Variants in ENTPD4 observed in about 807,000 individuals in gnomAD.
The protein encoded by ENTPD4 is Golgi UDPase.
Under a neutral mutation model 79.1 loss-of-function variants are expected in ENTPD4, and 60 were observed. That is an observed-to-expected ratio of 0.76 (90% CI 0.62 to 0.94). The LOEUF (loss-of-function observed/expected upper bound fraction) is 0.94, where lower values mean the gene tolerates loss of function less well. Ranked by LOEUF, ENTPD4 falls within the 40% of genes least tolerant of loss-of-function variation. The pLI is 0.00. For missense variants in ENTPD4, 772 were observed against 775.1 expected, an observed-to-expected ratio of 1.00 and a Z score of 0.05; for synonymous variants, 276 against 292.0, an observed-to-expected ratio of 0.95 and a Z score of 0.56.
intron 4 of ENTPD4, among the ~76,000 whole-genome samples, chr8:23,446,801 A>G (rs1012381876): frequency 6.6e-6 from 1 of 152,210 alleles, no homozygotes; most frequent in African/African-American, 2.4e-5. Flanking sequence ...TAAACTGAAT[A>G]TTCTTTTAAA....
rs191036011 is a variant in ENTPD4, at chr8:23,455,040, T to C, written c.-98+2517A>G. 5.9e-5 allele frequency among the ~76,000 whole-genome samples: 9 copies of C among 152,346 alleles called. No homozygotes were observed. In the East Asian group the frequency reaches 1.2e-3, roughly 20 times the overall value. ...TATCACCAGAGAGATGCATTAATTCTCATGATTTCAGCTAGTGGGGCCCTA... is the reference window on the plus strand; with the variant it reads ...TATCACCAGAGAGATGCATTAATTCCCATGATTTCAGCTAGTGGGGCCCTA... On this transcript the variant is annotated intron_variant, in intron 1 of 12. Transcript: ENST00000358689.
chr8:23,445,378 A>G (rs562576061), intron 4 of ENTPD4, among the ~76,000 whole-genome samples: 1 of 152,036 alleles, frequency 6.6e-6, no homozygotes, highest in Non-Finnish European at 1.5e-5. Flanking sequence ...TTTGTGGCTC[A>G]ATGTCCTCCA....
intron 2 of ENTPD4, 81 bp downstream of exon 2, chr8:23,449,812 G>C: frequency 8.0e-7 from 1 of 1,248,352 alleles, no homozygotes. Context: ...TTTCACTTGC[G>C]ATTTAGATTT....
At chr8:23,453,444 CA>C (rs1376554522) in intron 1 of ENTPD4, among the ~76,000 whole-genome samples, 1 of 151,930 alleles carries the variant, frequency 6.6e-6, no homozygotes, top group African/African-American at 2.4e-5. Flanking sequence ...AAGTGCATGA[CA>C]AAGAGTAAAT....
intron 4 of ENTPD4, among the ~76,000 whole-genome samples, chr8:23,447,172 T>TA (rs1800776963): frequency 6.6e-6 from 1 of 152,244 alleles, no homozygotes; most frequent in Admixed American, 6.5e-5. Context: ...CACACTGGCT[T>TA]AGAAATTACA....
chr8:23,447,938 G>T, intron 3 of ENTPD4, 53 bp from the exon 4 acceptor site: 1 of 1,460,392 alleles, frequency 6.8e-7, no homozygotes, highest in Non-Finnish European at 9.6e-7. Flanking sequence ...ATCACCTGAA[G>T]TCTAACAGAG....
chr8:23,449,461 C>G (rs1294252186), intron 2 of ENTPD4, among the ~76,000 whole-genome samples: 1 of 152,064 alleles, frequency 6.6e-6, no homozygotes, highest in Admixed American at 6.5e-5. Flanking sequence ...CAAATTTCTC[C>G]CAGATGACTT....
chr8:23,437,069 G>A lies in ENTPD4; in HGVS notation c.1239C>T (p.Leu413=). ...GAATTGGGGGCTGGTAGACCCCATT[G>A]AGGGAAGTCTGGGTCTCGTTTGTTT... ...MNKTNETQTS[L]NGVYQPPIHF... Residue 413 remains leucine, a synonymous_variant, in exon 10 of 13, where the codon CTC becomes CTT. Transcript: ENST00000358689. 1 of 1,614,192 alleles carries A rather than the reference G, an allele frequency of 6.2e-7. No individual in the cohort carries two copies. The highest frequency in any genetic ancestry group is 1.1e-5 in the South Asian group (1 of 91,082).
At chr8:23,434,623 C>T (rs12678121) in intron 11 of ENTPD4, 145 bp from the exon 12 acceptor site, 474,451 of 1,458,126 alleles carry the variant, frequency 0.33, 79,201 homozygotes, top group African/African-American at 0.49. Context: ...CAACTGCGCG[C>T]GTTTCAAGGT....
intron 8 of ENTPD4, 182 bp downstream of exon 8, chr8:23,441,387 A>T (rs1475050746): frequency 1.0e-6 from 1 of 984,812 alleles, no homozygotes. Flanking sequence ...TTCAATGAAC[A>T]CACACAAGCG....
rs555290152 is a variant in ENTPD4, at chr8:23,429,178, C to T, written c.*3748G>A. 9.8e-5 allele frequency: 97 copies of T among 985,382 alleles called. No individual in the cohort carries two copies. The Middle Eastern group carries it at 1.6e-3, about 16-fold the overall frequency. 61.0% of individuals were successfully genotyped at this position (985,382 alleles called of 1,614,324 possible). ...TACGGGCCATGGGATGATGAACTTT[C>T]GTTTTATTGATTTTTCAGTACCCAA... On this transcript the variant is annotated 3_prime_UTR_variant, in exon 13 of 13. Transcript: ENST00000358689.
chr8:23,448,219 G>A (rs1348682850), intron 3 of ENTPD4, among the ~76,000 whole-genome samples: 1 of 152,182 alleles, frequency 6.6e-6, no homozygotes, highest in African/African-American at 2.4e-5. Flanking sequence ...GACCTCTTAT[G>A]ATATGGATTT....
In ENTPD4 at chr8:23,435,420, C is replaced by T. The variant is rs751026404; in HGVS notation, c.1432G>A (p.Ala478Thr). The T allele has an allele frequency of 8.1e-6, 13 of 1,613,750 alleles. No individual in the cohort carries two copies. The highest frequency in any genetic ancestry group is 2.2e-5 in the East Asian group (1 of 44,884). ...LRERFDRGLY[A>T]SHADLHRLKY... is the part of the protein sequence containing the mutation. ...AGCCTGTGGAGGTCAGCATGAGAGG[C>T]GTACAGTCCTCGGTCAAAGCGTTCC... The change falls in exon 11 of 13, where the codon GCC becomes ACC. Residue 478 changes from alanine to threonine, a missense_variant. By Grantham distance (58) the Ala-to-Thr change is moderately conservative. Coordinates refer to ENST00000358689, the MANE Select transcript of ENTPD4 (RefSeq NM_004901.5).
At position 23,439,849 on chromosome 8, in the gene ENTPD4, C is replaced by G. The variant is rs777435234; in HGVS notation, c.949G>C (p.Val317Leu). 48 of 1,613,996 alleles carry G rather than the reference C, an allele frequency of 3.0e-5. No individual in the cohort carries two copies. The highest frequency in any genetic ancestry group is 3.7e-5 in the Non-Finnish European group (44 of 1,179,942). The change falls in exon 9 of 13, where the codon GTG becomes CTG. Residue 317 changes from valine (V) to leucine (L), a missense_variant. By Grantham distance (32) the Val-to-Leu change is conservative (BLOSUM62 1). Coordinates refer to ENST00000358689, the MANE Select transcript of ENTPD4 (RefSeq NM_004901.5). The stretch of plus-strand genomic sequence containing the variant: ...AACGTGGCCACATAGACTCGATACA[C>G]ATGCTCAGTTTGGTGAACATCACAT... ...LGCDVHQTEHVYRVYVATFLG... is the reference protein window; with the variant it reads ...LGCDVHQTEHLYRVYVATFLG...
rs192423291 is a variant in ENTPD4, at chr8:23,443,982, C to G, written c.564-29G>C. On this transcript the variant is annotated intron_variant, in intron 5 of 12. Transcript: ENST00000358689. ...TAAAGTAATAAAAACATTTACAAAT[C>G]AAAAGATTACAGCTTGGTATCTTCT... The G allele has an allele frequency of 5.9e-5, 84 of 1,433,638 alleles. 1 individual carries two copies. In the Admixed American group the frequency reaches 1.2e-3, roughly 20 times the overall value. The allele number at this position is 1,433,638 out of a possible 1,614,324, so 88.8% of individuals were successfully genotyped here.
Position 23,449,917 on chromosome 8 carries a change from C to T in ENTPD4, c.-17G>A, listed in dbSNP as rs181115743. 24 of 1,614,046 alleles carry T rather than the reference C, an allele frequency of 1.5e-5. No homozygotes were observed. The African/African-American group carries it at 2.4e-4, about 16-fold the overall frequency. ...CCTCCCCATACTGAAAGGTCAGCAA[C>T]AAGGCAATGCTCTGGGATTCAGTCC... On this transcript the variant is annotated 5_prime_UTR_variant, in exon 2 of 13. Coordinates refer to ENST00000358689, the MANE Select transcript of ENTPD4 (RefSeq NM_004901.5).
At chr8:23,448,632 G>A (rs946993443) in intron 3 of ENTPD4, 110 bp downstream of exon 3, 9 of 824,902 alleles carry the variant, frequency 1.1e-5, no homozygotes, top group African/African-American at 1.7e-5. Context: ...GAAACAAATT[G>A]CTGTTGTTTA....
At position 23,431,922 on chromosome 8, in the gene ENTPD4, T is replaced by C. The variant is rs1034228390; in HGVS notation, c.*1004A>G. 1 of 985,260 alleles carries C rather than the reference T, an allele frequency of 1.0e-6. No individual in the cohort carries two copies. Among genetic ancestry groups the C allele is most frequent in the African/African-American group, 1.7e-5 (1 of 57,210 alleles). The allele number at this position is 985,260 out of a possible 1,614,324, so 61.0% of individuals were successfully genotyped here. A position where few individuals can be genotyped will look rare whatever the true frequency, so the allele number is the denominator to read the frequency against. The stretch of plus-strand genomic sequence containing the variant: ...CAGGAAAAGATAACAGTAACGAGGA[T>C]TTTTCTAAATAAAATGTACCAGTAA... On this transcript the variant is annotated 3_prime_UTR_variant, in exon 13 of 13. Transcript: ENST00000358689.
intron 8 of ENTPD4, among the ~76,000 whole-genome samples, chr8:23,440,283 ATATAT>A (rs1331838678): frequency 2.0e-5 from 3 of 152,240 alleles, no homozygotes; most frequent in Non-Finnish European, 4.4e-5. Flanking sequence ...TGTCATCTAA[ATATAT>A]AATAGCAAGG....
Sources: gnomAD v4.1 joint callset for allele counts (sites outside exome capture counted in the v4.1 genomes callset) on GRCh38, gnomAD v4.1.1 for gene constraint, MANE v1.5 for transcripts, NCBI Gene and HGNC (gene_info 2026-07-23, HGNC 2026-07-21) for gene names.